RPRD1A: variants seen among roughly 807,000 people sequenced by gnomAD.
RPRD1A encodes the protein regulation of nuclear pre-mRNA domain-containing protein 1A.
RPRD1A carries 9 observed loss-of-function variants against 37.8 expected under a neutral mutation model. The ratio of observed to expected loss-of-function variants is 0.24; its 90% CI spans 0.14 to 0.42. RPRD1A has a LOEUF of 0.42. RPRD1A is among the 10% of genes least tolerant of loss of function. The pLI is 1.00. For synonymous variants in RPRD1A, 138 were observed against 139.7 expected (o/e 0.99, Z 0.08); for missense variants, 255 against 371.0 (o/e 0.69, Z 2.57).
intron 6 of RPRD1A, among the ~76,000 whole-genome samples, chr18:35,998,685 T>G (rs188475264): frequency 5.9e-5 from 9 of 152,278 alleles, no homozygotes; most frequent in Non-Finnish European, 1.0e-4. Flanking sequence ...CTTCCAAAAT[T>G]TTGCCCATCT....
chr18:36,056,292 G>A (rs1913762094), intron 1 of RPRD1A, among the ~76,000 whole-genome samples: 1 of 151,622 alleles, frequency 6.6e-6, no homozygotes, highest in East Asian at 1.9e-4. Context: ...TTGGGTTTTT[G>A]TGTTTTTTTT....
chr18:36,018,506 C>T (rs1178788460), intron 6 of RPRD1A, among the ~76,000 whole-genome samples: 1 of 152,110 alleles, frequency 6.6e-6, no homozygotes, highest in Non-Finnish European at 1.5e-5. Flanking sequence ...ATGTCCTGAC[C>T]TCGTGATCCA....
intron 6 of RPRD1A, among the ~76,000 whole-genome samples, chr18:36,013,170 A>C (rs972690228): frequency 2.0e-5 from 3 of 152,216 alleles, no homozygotes; most frequent in Non-Finnish European, 4.4e-5. Context: ...CAATCTGTGA[A>C]CTAGCCAAGC....
intron 1 of RPRD1A, among the ~76,000 whole-genome samples, chr18:36,041,943 G>C (rs886203546): frequency 6.6e-6 from 1 of 152,248 alleles, no homozygotes; most frequent in Non-Finnish European, 1.5e-5. Context: ...AGATTTGGCA[G>C]CCTATTCCTT....
intron 1 of RPRD1A, among the ~76,000 whole-genome samples, chr18:36,035,486 A>C (rs1912124542): frequency 6.6e-6 from 1 of 152,218 alleles, no homozygotes. Context: ...TTGGAATCCA[A>C]AAAGTCCAAC....
intron 6 of RPRD1A, among the ~76,000 whole-genome samples, chr18:36,016,554 T>C (rs1352807802): frequency 6.6e-6 from 1 of 152,170 alleles, no homozygotes; most frequent in Non-Finnish European, 1.5e-5. Context: ...AACTCAAGCA[T>C]GAAAACCATA....
At chr18:35,994,284 T>C (rs1908887028) in intron 6 of RPRD1A, among the ~76,000 whole-genome samples, 1 of 152,124 alleles carries the variant, frequency 6.6e-6, no homozygotes, top group Non-Finnish European at 1.5e-5. Flanking sequence ...AGGACCATCC[T>C]AGAGAGTGCA....
rs184898302 is a variant in RPRD1A at position 36,055,594 on chromosome 18, T to C, written c.151+11660A>G. The stretch of plus-strand genomic sequence containing the variant: ...GACTGCACAGTTCTCAGCCTGACAT[T>C]TGCCATTATAAAGACGTACATTCTT... On this transcript the variant is annotated intron_variant, in intron 1 of 6. Coordinates refer to ENST00000399022, the MANE Select transcript of RPRD1A (RefSeq NM_018170.5). Among the ~76,000 whole-genome samples the C allele has an allele frequency of 8.3e-4, 126 of 152,302 alleles. 1 individual carries two copies. The highest frequency in any genetic ancestry group is 1.4e-3 in the Non-Finnish European group (98 of 68,018).
intron 6 of RPRD1A, chr18:36,025,100 T>C (rs908808607): frequency 1.3e-5 from 2 of 152,346 alleles, no homozygotes; most frequent in Non-Finnish European, 2.9e-5. Flanking sequence ...AATAGGACTT[T>C]AGCATTTGCT....
intron 6 of RPRD1A, chr18:36,026,437 G>A (rs1176277025): frequency 6.5e-6 from 1 of 153,664 alleles, no homozygotes; most frequent in Admixed American, 6.4e-5. Context: ...CTGCCTAAGA[G>A]TGTGAGCCGG....
intron 4 of RPRD1A, among the ~76,000 whole-genome samples, chr18:36,029,095 T>C (rs554901350): frequency 6.6e-6 from 1 of 152,316 alleles, no homozygotes; most frequent in African/African-American, 2.4e-5. Context: ...GTAACATTCT[T>C]ATCACTTTTC....
chr18:36,057,534 C>G (rs1913878509), intron 1 of RPRD1A, among the ~76,000 whole-genome samples: 1 of 152,134 alleles, frequency 6.6e-6, no homozygotes, highest in Non-Finnish European at 1.5e-5. Flanking sequence ...ATCGCTTAAG[C>G]CCAGGAGGCA....
intron 6 of RPRD1A, among the ~76,000 whole-genome samples, chr18:36,003,343 G>A (rs1474709236): frequency 6.6e-6 from 1 of 152,162 alleles, no homozygotes; most frequent in Non-Finnish European, 1.5e-5. Flanking sequence ...AGCTATACTT[G>A]TTCAGTGCTT....
chr18:35,997,269 C>T (rs1443652239), intron 6 of RPRD1A, among the ~76,000 whole-genome samples: 2 of 152,096 alleles, frequency 1.3e-5, no homozygotes, highest in Non-Finnish European at 2.9e-5. Context: ...TGACTTTTCT[C>T]ATATCTCAAC....
chr18:36,007,255 T>C (rs555271468), intron 6 of RPRD1A, among the ~76,000 whole-genome samples: 300 of 152,294 alleles, frequency 2.0e-3, no homozygotes, highest in African/African-American at 7.0e-3. Context: ...GGCTTTCACA[T>C]ATCAACTAGC....
chr18:36,042,959 T>C (rs1272856118), intron 1 of RPRD1A, among the ~76,000 whole-genome samples: 1 of 152,166 alleles, frequency 6.6e-6, no homozygotes, highest in East Asian at 1.9e-4. Context: ...CCTATGGATA[T>C]GGATATATTT....
At chr18:36,023,638 G>GA (rs768688290) in intron 6 of RPRD1A, among the ~76,000 whole-genome samples, 9 of 152,166 alleles carry the variant, frequency 5.9e-5, no homozygotes, top group Non-Finnish European at 1.0e-4. Flanking sequence ...AATCTTTCAA[G>GA]AAAGAAGTCA....
chr18:36,022,330 G>A (rs997648897), intron 6 of RPRD1A, among the ~76,000 whole-genome samples: 8 of 152,196 alleles, frequency 5.3e-5, no homozygotes, highest in African/African-American at 1.4e-4. Flanking sequence ...AGCTAAGGTC[G>A]TTGATGACGG....
At chr18:36,054,361 C>T (rs1913614918) in intron 1 of RPRD1A, among the ~76,000 whole-genome samples, 2 of 152,000 alleles carry the variant, frequency 1.3e-5, no homozygotes, top group African/African-American at 2.4e-5. Context: ...GATGTGGTGG[C>T]GGGCGCCTGT....
Sources: allele counts gnomAD v4.1 joint callset (sites outside exome capture counted in the v4.1 genomes callset), GRCh38; gene constraint gnomAD v4.1.1; transcripts MANE v1.5; gene names NCBI Gene and HGNC (gene_info 2026-07-23, HGNC 2026-07-21).